Variants in PIEZO2 observed in about 807,000 individuals in gnomAD.
PIEZO2 encodes the protein piezo type mechanosensitive ion channel component 2.
A neutral mutation model predicts 337.3 loss-of-function variants in PIEZO2; 172 were observed. That is an observed-to-expected ratio of 0.51 (90% CI 0.45 to 0.58). The LOEUF (loss-of-function observed/expected upper bound fraction) is 0.58, where lower values mean the gene tolerates loss of function less well. Ranked by LOEUF, PIEZO2 falls within the 20% of genes least tolerant of loss-of-function variation. The probability of loss-of-function intolerance (pLI) is 0.00; values close to 1 mark genes in which losing one functional copy is unlikely to be tolerated. For synonymous variants in PIEZO2, 1,251 were observed against 1,228.5 expected (o/e 1.02, Z -0.38); for missense variants, 3,028 against 3,391.3 (o/e 0.89, Z 2.66).
At chr18:10,681,316 A>G (rs144828186) in intron 51 of PIEZO2, among the ~76,000 whole-genome samples, 2,957 of 152,354 alleles carry the variant, frequency 0.019, 43 homozygotes, top group Non-Finnish European at 0.028. Flanking sequence ...CTCATAAGCC[A>G]GTGCCTAGAT....
intron 3 of PIEZO2, among the ~76,000 whole-genome samples, chr18:10,960,152 T>C (rs545804020): frequency 3.1e-4 from 47 of 152,292 alleles, no homozygotes; most frequent in African/African-American, 1.1e-3. Context: ...TTTATTGAAG[T>C]TATAAAATCC....
intron 41 of PIEZO2, 81 bp from the exon 42 acceptor site, chr18:10,704,733 G>A: frequency 1.4e-6 from 2 of 1,451,952 alleles, no homozygotes; most frequent in Non-Finnish European, 9.2e-7. Flanking sequence ...TGCCCAGGCT[G>A]GAGTGCAATG....
rs1325894983 is a variant in PIEZO2, at chr18:10,988,526, T to C, written c.161-8866A>G. On this transcript the variant is annotated intron_variant, in intron 2 of 55. Coordinates refer to ENST00000674853, the MANE Select transcript of PIEZO2 (RefSeq NM_001378183.1). This position sits in a 1 kb window ranked among gnomAD's most constrained non-coding sequence, Gnocchi z 4.8. The stretch of plus-strand genomic sequence containing the variant: ...TTGGTAGCTCCATTATGAAAAATAG[T>C]ATGGAGATTCTTAAAAATTAAAAAT... 6.6e-6 allele frequency among the ~76,000 whole-genome samples: 1 copy of C among 152,124 alleles called. No individual in the cohort carries two copies. Among genetic ancestry groups the C allele is most frequent in the Non-Finnish European group, 1.5e-5 (1 of 68,014 alleles).
rs890734023 is a variant in PIEZO2 at position 11,092,434 on chromosome 18, A to G, written c.65-26212T>C. ...ATCTCATATTTGTTTGAAAAAAGCT[A>G]TAGTAAGAAGACATAACAGCAGTAA... On this transcript the variant is annotated intron_variant, in intron 1 of 55. Coordinates refer to ENST00000674853, the MANE Select transcript of PIEZO2 (RefSeq NM_001378183.1). This position sits in a 1 kb window ranked among gnomAD's most constrained non-coding sequence, Gnocchi z 4.5. Among the ~76,000 whole-genome samples the G allele has an allele frequency of 2.0e-5, 3 of 152,232 alleles. No individual in the cohort carries two copies. Among genetic ancestry groups the G allele is most frequent in the Non-Finnish European group, 4.4e-5 (3 of 68,040 alleles).
intron 3 of PIEZO2, among the ~76,000 whole-genome samples, chr18:10,924,561 G>C (rs558337540): frequency 6.6e-6 from 1 of 152,246 alleles, no homozygotes; most frequent in Non-Finnish European, 1.5e-5. Flanking sequence ...GTGTGCTAAG[G>C]ACACAAAATG....
rs566299037 is a variant in PIEZO2, at chr18:10,927,721, GTTCT to G, written c.287-16497_287-16494del. ...TCGTACCTAAAATGAAAGGTAAAGC[GTTCT>G]TAGACAAACTACAGAATTTTCCTCT... On this transcript the variant is annotated intron_variant, in intron 3 of 55. Transcript: ENST00000674853. Among the ~76,000 whole-genome samples, 351 of 152,144 alleles carry G rather than the reference GTTCT, an allele frequency of 2.3e-3. 1 individual carries two copies. The highest frequency in any genetic ancestry group is 7.5e-3 in the African/African-American group (313 of 41,514).
At position 10,672,811 on chromosome 18, in the gene PIEZO2, C is replaced by T; in HGVS notation, c.8224G>A (p.Glu2742Lys). The T allele has an allele frequency of 5.6e-6, 9 of 1,612,934 alleles. No homozygotes were observed. Among genetic ancestry groups the T allele is most frequent in the Non-Finnish European group, 7.6e-6 (9 of 1,178,936 alleles). ...CCAGTCAGGTTGAGAACCCACCACT[C>T]ACTGTTATATTTAGTTGTATTGTCT... ...SRDNTTKYNS[E>K]WWVLNLTGNR... The change falls in exon 55 of 56, where the codon GAG (glutamate) becomes AAG (lysine). Residue 2742 changes from glutamate to lysine, a missense_variant. Physicochemically the swap from Glu to Lys is moderately conservative, Grantham distance 56. Coordinates refer to ENST00000674853, the MANE Select transcript of PIEZO2 (RefSeq NM_001378183.1). The surrounding 1 kb of genome is among the most constrained non-coding windows in gnomAD (Gnocchi z 4.7).
At chr18:11,086,289 G>A (rs2038906446) in intron 1 of PIEZO2, among the ~76,000 whole-genome samples, 2 of 152,140 alleles carry the variant, frequency 1.3e-5, no homozygotes, top group South Asian at 4.1e-4. Context: ...GGGAGGCTGA[G>A]GCAGGCAGAT....
At chr18:10,701,591 C>T (rs1186457011) in intron 43 of PIEZO2, among the ~76,000 whole-genome samples, 1 of 152,240 alleles carries the variant, frequency 6.6e-6, no homozygotes, top group Non-Finnish European at 1.5e-5. Context: ...ATATGATCCA[C>T]ACACATTGTG....
In PIEZO2 at chr18:10,704,514, G is replaced by A. The variant is rs2035484056; in HGVS notation, c.6138C>T (p.Asn2046=). 4 of 1,537,138 alleles carry A rather than the reference G, an allele frequency of 2.6e-6. No individual in the cohort carries two copies. Among genetic ancestry groups the A allele is most frequent in the South Asian group, 1.2e-5 (1 of 84,070 alleles). ...EMVCYFVIIL[N]HMVSASMITL... Reference sequence around the variant, plus strand: ...TGATCATGGAGGCAGAGACCATGTGGTTGAGGATGATCACGAAGTAGCACA... The same window carrying A: ...TGATCATGGAGGCAGAGACCATGTGATTGAGGATGATCACGAAGTAGCACA... The change falls in exon 42 of 56, where the codon AAC becomes AAT. Residue 2046 remains asparagine, a synonymous_variant. Coordinates refer to ENST00000674853, the MANE Select transcript of PIEZO2 (RefSeq NM_001378183.1).
chr18:10,791,080 A>C lies in PIEZO2; in HGVS notation c.1882+121T>G. On this transcript the variant is annotated intron_variant, in intron 14 of 55. Coordinates refer to ENST00000674853, the MANE Select transcript of PIEZO2 (RefSeq NM_001378183.1). ...GTCACACGCTGTAATAACGTTACTT[A>C]TTGCTCCAAGTTTACATTCCAGTTT... The C allele has an allele frequency of 2.7e-6, 3 of 1,124,992 alleles. No homozygotes were observed. In the East Asian group the frequency reaches 8.8e-5, roughly 33 times the overall value. The allele number at this position is 1,124,992 out of a possible 1,614,324, so 69.7% of individuals were successfully genotyped here. A position where few individuals can be genotyped will look rare whatever the true frequency, so the allele number is the denominator to read the frequency against.
At position 10,806,183 on chromosome 18, in the gene PIEZO2, G is replaced by A. The variant is rs73386638; in HGVS notation, c.1080+929C>T. 4.6e-3 allele frequency among the ~76,000 whole-genome samples: 707 copies of A among 152,248 alleles called. 7 individuals carry two copies. The highest frequency in any genetic ancestry group is 0.016 in the African/African-American group (653 of 41,548). Reference sequence around the variant, plus strand: ...CAGGGCCTCAGGCTAGAAGTGATTCGGAGGAGGGGGACTGGAATGCAGAGA... The same window carrying A: ...CAGGGCCTCAGGCTAGAAGTGATTCAGAGGAGGGGGACTGGAATGCAGAGA... On this transcript the variant is annotated intron_variant, in intron 8 of 55. Coordinates refer to ENST00000674853, the MANE Select transcript of PIEZO2 (RefSeq NM_001378183.1).
At chr18:10,928,261 C>T (rs2031869789) in intron 3 of PIEZO2, among the ~76,000 whole-genome samples, 1 of 152,160 alleles carries the variant, frequency 6.6e-6, no homozygotes, top group Admixed American at 6.6e-5. Context: ...TTCCAGAGTA[C>T]ACTGTCATCT....
chr18:10,967,932 T>C (rs2145419208), intron 3 of PIEZO2, among the ~76,000 whole-genome samples: 1 of 152,218 alleles, frequency 6.6e-6, no homozygotes, highest in East Asian at 1.9e-4. Flanking sequence ...TATTATTACT[T>C]TGCTGTACAG....
chr18:10,748,391 G>T lies in PIEZO2; in HGVS notation c.4424+80C>A. The stretch of plus-strand genomic sequence containing the variant: ...AACTTCTTGTGGGTTCTAGAAGCAA[G>T]CTCAGACAGAAATGATAGTGCAATA... On this transcript the variant is annotated intron_variant, in intron 30 of 55. Transcript: ENST00000674853. The surrounding 1 kb of genome is among the most constrained non-coding windows in gnomAD (Gnocchi z 5.1). 1.4e-6 allele frequency: 2 copies of T among 1,387,884 alleles called. No individual in the cohort carries two copies. The highest frequency in any genetic ancestry group is 2.0e-6 in the Non-Finnish European group (2 of 1,025,054). 86.0% of individuals were successfully genotyped at this position (1,387,884 alleles called of 1,614,324 possible).
At chr18:11,055,892 C>T (rs1185641359) in intron 2 of PIEZO2, among the ~76,000 whole-genome samples, 2 of 152,194 alleles carry the variant, frequency 1.3e-5, no homozygotes, top group Non-Finnish European at 2.9e-5. Flanking sequence ...TGTCAAGGTC[C>T]CACCACCTCT....
intron 2 of PIEZO2, among the ~76,000 whole-genome samples, chr18:11,045,522 C>G (rs376013900): frequency 1.3e-5 from 2 of 151,944 alleles, no homozygotes; most frequent in African/African-American, 4.8e-5. Context: ...AAATCACACA[C>G]GAAATATAAA....
At chr18:11,090,532 C>T (rs2039044547) in intron 1 of PIEZO2, among the ~76,000 whole-genome samples, 1 of 152,062 alleles carries the variant, frequency 6.6e-6, no homozygotes, top group African/African-American at 2.4e-5. Context: ...TAGGGGTGGT[C>T]GGTAGTGGGG....
intron 2 of PIEZO2, among the ~76,000 whole-genome samples, chr18:11,039,860 C>G (rs917614961): frequency 2.6e-5 from 4 of 152,022 alleles, no homozygotes; most frequent in African/African-American, 9.7e-5. Context: ...AAGATCCCTT[C>G]AAGGATTTAG....
Sources: gnomAD v4.1 joint callset for allele counts (sites outside exome capture counted in the v4.1 genomes callset) on GRCh38, gnomAD v4.1.1 for gene constraint, Gnocchi (gnomAD v3.1) non-coding constraint, MANE v1.5 for transcripts, NCBI Gene and HGNC (gene_info 2026-07-23, HGNC 2026-07-21) for gene names.